KCNT2: variants seen among roughly 807,000 people sequenced by gnomAD.
KCNT2 encodes potassium sodium-activated channel subfamily T member 2, also known as potassium channel subfamily T member 2.
A neutral mutation model predicts 153.8 loss-of-function variants in KCNT2; 67 were observed. The ratio of observed to expected loss-of-function variants is 0.44; its 90% CI spans 0.36 to 0.53. The LOEUF (loss-of-function observed/expected upper bound fraction) is 0.53. KCNT2 is among the 20% of genes least tolerant of loss of function. KCNT2 has a pLI of 0.00. For synonymous variants in KCNT2, 500 were observed against 458.8 expected (o/e 1.09, Z -1.15); for missense variants, 975 against 1,354.8 (o/e 0.72, Z 4.40).
intron 19 of KCNT2, 27 bp downstream of exon 19, chr1:196,326,690 T>C (rs188096794): frequency 2.2e-6 from 3 of 1,365,374 alleles, no homozygotes; most frequent in Middle Eastern, 2.0e-4. Flanking sequence ...CAGTTTATCT[T>C]GTTTGTGTAT....
chr1:196,395,024 A>C (rs1670809685), intron 13 of KCNT2, among the ~76,000 whole-genome samples: 1 of 151,100 alleles, frequency 6.6e-6, no homozygotes, highest in Admixed American at 6.6e-5. Context: ...TGAATGTTGA[A>C]GTCTGTCTCA....
chr1:196,339,232 G>A (rs138389046), intron 16 of KCNT2, among the ~76,000 whole-genome samples: 1 of 152,168 alleles, frequency 6.6e-6, no homozygotes, highest in African/African-American at 2.4e-5. Flanking sequence ...GCATTAGAGT[G>A]TTTCAGGAAG....
chr1:196,577,948 TTC>T (rs1310692791), intron 1 of KCNT2, among the ~76,000 whole-genome samples: 2 of 152,154 alleles, frequency 1.3e-5, no homozygotes, highest in Admixed American at 6.6e-5. Flanking sequence ...TTTAAACTCT[TTC>T]TCTGTTTCTC....
At chr1:196,449,829 A>G (rs1676000499) in intron 8 of KCNT2, among the ~76,000 whole-genome samples, 1 of 151,760 alleles carries the variant, frequency 6.6e-6, no homozygotes, top group Admixed American at 6.6e-5. Flanking sequence ...AGAATAAAAA[A>G]TGAAGAATTT....
chr1:196,305,556 A>T (rs141667631), intron 21 of KCNT2, among the ~76,000 whole-genome samples: 8 of 152,278 alleles, frequency 5.3e-5, no homozygotes, highest in African/African-American at 1.9e-4. Flanking sequence ...TTAGCACAAT[A>T]AGAAAAATAA....
chr1:196,263,806 A>G (rs555683731), intron 25 of KCNT2, among the ~76,000 whole-genome samples: 1 of 152,324 alleles, frequency 6.6e-6, no homozygotes, highest in South Asian at 2.1e-4. Context: ...TTGGTTAATT[A>G]TCTCTAAAAG....
intron 18 of KCNT2, among the ~76,000 whole-genome samples, chr1:196,330,458 A>C (rs1261093383): frequency 1.3e-5 from 2 of 151,924 alleles, no homozygotes; most frequent in Non-Finnish European, 2.9e-5. Context: ...TTCAAAACTT[A>C]ATGTAAAAGA....
At chr1:196,559,759 G>A (rs980023499) in intron 1 of KCNT2, among the ~76,000 whole-genome samples, 3 of 151,574 alleles carry the variant, frequency 2.0e-5, no homozygotes, top group Non-Finnish European at 3.0e-5. Flanking sequence ...TATTTCGATT[G>A]CATCTTTTCT....
At chr1:196,560,478 G>A (rs1176060585) in intron 1 of KCNT2, among the ~76,000 whole-genome samples, 1 of 151,812 alleles carries the variant, frequency 6.6e-6, no homozygotes, top group Non-Finnish European at 1.5e-5. Context: ...TCTTTGAAAT[G>A]TATATAAGTC....
chr1:196,331,103 A>G, intron 18 of KCNT2, 53 bp downstream of exon 18: 1 of 959,760 alleles, frequency 1.0e-6, no homozygotes, highest in Non-Finnish European at 1.7e-6. Context: ...TTATGTAACT[A>G]TAAAATGCTA....
chr1:196,423,302 T>A (rs1673368699), intron 11 of KCNT2, among the ~76,000 whole-genome samples, 189 bp from the exon 12 acceptor site: 1 of 151,768 alleles, frequency 6.6e-6, no homozygotes, highest in Admixed American at 6.6e-5. Flanking sequence ...CAAAAAAAAA[T>A]TTGCTATTGG....
At position 196,540,045 on chromosome 1, in the gene KCNT2, G is replaced by A. The variant is rs552574105; in HGVS notation, c.96-47704C>T. The stretch of plus-strand genomic sequence containing the variant: ...AGAATTATAAAGTGAATTAAAATGC[G>A]TTGCCTTAGTTGAATTCCATTTTTA... On this transcript the variant is annotated intron_variant, in intron 1 of 27. Coordinates refer to ENST00000294725, the MANE Select transcript of KCNT2 (RefSeq NM_198503.5). Among the ~76,000 whole-genome samples, 264 of 152,084 alleles carry A rather than the reference G, an allele frequency of 1.7e-3. 1 individual carries two copies. Among genetic ancestry groups the A allele is most frequent in the African/African-American group, 6.0e-3 (248 of 41,500 alleles).
intron 1 of KCNT2, among the ~76,000 whole-genome samples, chr1:196,607,194 G>C: frequency 6.6e-6 from 1 of 152,190 alleles, no homozygotes; most frequent in Non-Finnish European, 1.5e-5. Flanking sequence ...ATTTTGGATT[G>C]GACCAATAAT....
intron 5 of KCNT2, among the ~76,000 whole-genome samples, chr1:196,472,649 T>C (rs1678198839): frequency 6.6e-6 from 1 of 152,220 alleles, no homozygotes; most frequent in Non-Finnish European, 1.5e-5. Flanking sequence ...ACTTATGATT[T>C]GTTCCCTGAC....
At chr1:196,557,177 G>A (rs568963871) in intron 1 of KCNT2, among the ~76,000 whole-genome samples, 1 of 151,056 alleles carries the variant, frequency 6.6e-6, no homozygotes, top group East Asian at 1.9e-4. Context: ...AATGCTTGAG[G>A]GTATAGATAC....
chr1:196,444,455 G>C (rs965802039), intron 8 of KCNT2, among the ~76,000 whole-genome samples: 1 of 150,656 alleles, frequency 6.6e-6, no homozygotes, highest in Non-Finnish European at 1.5e-5. Context: ...ATATTTCGTC[G>C]TCCTCTCATC....
Position 196,482,322 on chromosome 1 carries a change from G to A in KCNT2, c.324+9C>T, listed in dbSNP as rs1275621830. On this transcript the variant is annotated intron_variant, in intron 4 of 27. Transcript: ENST00000294725. ...AGAGATATAGGGATAAAACAAAATT[G>A]TACATAACCTGTAAGCCCCACAAAG... 1.3e-6 allele frequency: 2 copies of A among 1,561,706 alleles called. No individual in the cohort carries two copies. The highest frequency in any genetic ancestry group is 1.7e-6 in the Non-Finnish European group (2 of 1,146,428).
chr1:196,595,395 C>T (rs1196299559), intron 1 of KCNT2, among the ~76,000 whole-genome samples: 1 of 151,936 alleles, frequency 6.6e-6, no homozygotes, highest in Non-Finnish European at 1.5e-5. Flanking sequence ...ACTTAGCAAC[C>T]AGAAGTTGGC....
intron 5 of KCNT2, among the ~76,000 whole-genome samples, chr1:196,476,910 C>T (rs937764700): frequency 2.6e-5 from 4 of 152,066 alleles, no homozygotes; most frequent in African/African-American, 4.8e-5. Flanking sequence ...TTATAACTGA[C>T]CTATTGTAGG....
Sources: allele counts gnomAD v4.1 joint callset (sites outside exome capture counted in the v4.1 genomes callset), GRCh38; gene constraint gnomAD v4.1.1; transcripts MANE v1.5; gene names NCBI Gene and HGNC (gene_info 2026-07-23, HGNC 2026-07-21).